Variants in DERL2 observed in about 807,000 individuals in gnomAD.
The protein encoded by DERL2 is derlin-2.
A neutral mutation model predicts 32.0 loss-of-function variants in DERL2; 13 were observed. The ratio of observed to expected loss-of-function variants is 0.41; its 90% CI spans 0.26 to 0.65. The LOEUF is 0.65. DERL2 is among the 30% of genes least tolerant of loss of function. The pLI, the probability that DERL2 is intolerant of heterozygous loss-of-function variation, is 0.35. For missense variants in DERL2, 208 were observed against 296.3 expected (o/e 0.70, Z 2.19); for synonymous variants, 111 against 104.7 (o/e 1.06, Z -0.37).
At chr17:5,479,523 A>AG (rs1290313490) in intron 6 of DERL2, among the ~76,000 whole-genome samples, 1 of 141,944 alleles carries the variant, frequency 7.0e-6, no homozygotes, top group Non-Finnish European at 1.5e-5. Flanking sequence ...AAAAAAAAAA[A>AG]AAAGAAAGAA....
At chr17:5,479,496 T>TAAAAAAAAAAAAAAA (rs11306765) in intron 6 of DERL2, among the ~76,000 whole-genome samples, 2 of 69,430 alleles carry the variant, frequency 2.9e-5, no homozygotes, top group Non-Finnish European at 6.2e-5. Flanking sequence ...AGACTCCATG[T>TAAAAAAAAAAAAAAA]AAAAAAAAAA....
At chr17:5,480,289 T>C (rs1192747114) in intron 5 of DERL2, 98 bp downstream of exon 5, 2 of 1,290,792 alleles carry the variant, frequency 1.5e-6, no homozygotes, top group East Asian at 2.4e-5. Context: ...TATTTTACAA[T>C]AGGTAATACG....
chr17:5,483,101 G>C (rs922862079), intron 2 of DERL2, among the ~76,000 whole-genome samples: 1 of 152,068 alleles, frequency 6.6e-6, no homozygotes, highest in Non-Finnish European at 1.5e-5. Context: ...TTGGGACTGT[G>C]ACATTTATAA....
At chr17:5,485,750 G>C (rs1217371443) in intron 1 of DERL2, 1 of 312,024 alleles carries the variant, frequency 3.2e-6, no homozygotes, top group Non-Finnish European at 5.8e-6. Flanking sequence ...CCTCTCACTA[G>C]TCACCATGGT....
At position 5,472,758 on chromosome 17, in the gene DERL2, C is replaced by T. The variant is rs1905176413; in HGVS notation, c.*1926G>A. The T allele has an allele frequency of 6.6e-6, 1 of 151,370 alleles. No homozygotes were observed. The highest frequency in any genetic ancestry group is 2.4e-5 in the African/African-American group (1 of 41,194). 9.4% of individuals were successfully genotyped at this position (151,370 alleles called of 1,614,324 possible). A position where few individuals can be genotyped will look rare whatever the true frequency, so the allele number is the denominator to read the frequency against. On this transcript the variant is annotated 3_prime_UTR_variant, in exon 7 of 7. Coordinates refer to ENST00000158771, the MANE Select transcript of DERL2 (RefSeq NM_016041.5). Reference sequence around the variant, plus strand: ...CAAATAAAACTAGAGAAACTCATTTCTAGCCCAAAAACAATTTAAAAAAAA... The same window carrying T: ...CAAATAAAACTAGAGAAACTCATTTTTAGCCCAAAAACAATTTAAAAAAAA...
Position 5,481,851 on chromosome 17 carries a change from T to C in DERL2, c.234-462A>G, listed in dbSNP as rs1905808215. Reference sequence around the variant, plus strand: ...TTTTAGTAGAGAGCAGGTTTCACCATGTTGGCCAGGCTGGTCTCAAACTCC... The same window carrying C: ...TTTTAGTAGAGAGCAGGTTTCACCACGTTGGCCAGGCTGGTCTCAAACTCC... On this transcript the variant is annotated intron_variant, in intron 3 of 6. Transcript: ENST00000158771. The surrounding 1 kb of genome is among the most constrained non-coding windows in gnomAD (Gnocchi z 4.4). Among the ~76,000 whole-genome samples, 1 of 152,166 alleles carries C rather than the reference T, an allele frequency of 6.6e-6. No individual in the cohort carries two copies. The highest frequency in any genetic ancestry group is 1.5e-5 in the Non-Finnish European group (1 of 68,032).
chr17:5,482,624 T>A (rs1905865093), intron 3 of DERL2, 185 bp downstream of exon 3: 3 of 480,322 alleles, frequency 6.2e-6, no homozygotes, highest in Non-Finnish European at 1.1e-5. Flanking sequence ...AAACCTCCCA[T>A]TTGAACAAAG....
chr17:5,480,867 T>C lies in DERL2; in HGVS notation c.328-285A>G, dbSNP rs75984990. On this transcript the variant is annotated intron_variant, in intron 4 of 6. Transcript: ENST00000158771. ...GTGTTAATTCTTCAGTCAATAATTA[T>C]ATTAAAGCTTGCTCACGATTAGCAC... 2,246 of 457,656 alleles carry C rather than the reference T, an allele frequency of 4.9e-3. 41 individuals are homozygous for C. Among genetic ancestry groups the C allele is most frequent in the East Asian group, 0.045 (1,314 of 29,064 alleles). The allele number at this position is 457,656 out of a possible 1,614,324, so 28.3% of individuals were successfully genotyped here.
rs1906252256 is a variant in DERL2, at chr17:5,486,077, C to T, written c.85G>A (p.Ala29Thr). ...GCACTGCAGCTGCTCACCACGGCGG[C>T]GGTGGTGAGGACGCAGGCAGTGGTG... ...AYTTACVLTT[A>T]AVQLELITPF... Residue 29 changes from alanine (A) to threonine (T), a missense_variant, in exon 1 of 7, where the codon GCC (alanine) becomes ACC (threonine). By Grantham distance (58) the Ala-to-Thr change is moderately conservative. This residue lies in a region of DERL2 where 44 missense variants were observed against 42.3 expected (regional missense o/e 1.04). Transcript: ENST00000158771. 6.2e-7 allele frequency: 1 copy of T among 1,610,560 alleles called. No individual in the cohort carries two copies. The highest frequency in any genetic ancestry group is 1.3e-5 in the African/African-American group (1 of 74,920).
chr17:5,477,386 G>C (rs1905462021), intron 6 of DERL2, among the ~76,000 whole-genome samples: 1 of 152,166 alleles, frequency 6.6e-6, no homozygotes, highest in Non-Finnish European at 1.5e-5. Flanking sequence ...GGACATCAGG[G>C]AACTTTCTGG....
chr17:5,479,883 C>G (rs979465541), intron 6 of DERL2, among the ~76,000 whole-genome samples, 171 bp downstream of exon 6: 17 of 152,210 alleles, frequency 1.1e-4, no homozygotes, highest in Admixed American at 2.0e-4. Flanking sequence ...CTGGCACTGT[C>G]TGCTCCTACC....
chr17:5,481,196 C>G lies in DERL2; in HGVS notation c.327+100G>C. On this transcript the variant is annotated intron_variant, in intron 4 of 6. Coordinates refer to ENST00000158771, the MANE Select transcript of DERL2 (RefSeq NM_016041.5). The surrounding 1 kb of genome is among the most constrained non-coding windows in gnomAD (Gnocchi z 4.4). ...GTGCTGTAAAATAAATGATAGTGCC[C>G]TGAAGCTAAGATCTAGAGAACTGTG... 1 of 889,438 alleles carries G rather than the reference C, an allele frequency of 1.1e-6. No homozygotes were observed. The highest frequency in any genetic ancestry group is 1.9e-6 in the Non-Finnish European group (1 of 539,050). The allele number at this position is 889,438 out of a possible 1,614,324, so 55.1% of individuals were successfully genotyped here.
chr17:5,472,448 A>G lies in DERL2; in HGVS notation c.*2236T>C, dbSNP rs1905164634. ...GGAATGGTGGTTGTAGGGCTGGCCA[A>G]ACTGATGAGAGGTGATTGAAATTAC... On this transcript the variant is annotated 3_prime_UTR_variant, in exon 7 of 7. Transcript: ENST00000158771. The G allele has an allele frequency of 6.6e-6, 1 of 152,238 alleles. No individual in the cohort carries two copies. The highest frequency in any genetic ancestry group is 1.5e-5 in the Non-Finnish European group (1 of 68,046). 9.4% of individuals were successfully genotyped at this position (152,238 alleles called of 1,614,324 possible). A position where few individuals can be genotyped will look rare whatever the true frequency, so the allele number is the denominator to read the frequency against.
At chr17:5,479,495 G>GT (rs1417052832) in intron 6 of DERL2, among the ~76,000 whole-genome samples, 2 of 52,662 alleles carry the variant, frequency 3.8e-5, no homozygotes, top group Non-Finnish European at 6.2e-5. Flanking sequence ...GAGACTCCAT[G>GT]TAAAAAAAAA....
chr17:5,483,382 T>C (rs1345181629), intron 2 of DERL2, among the ~76,000 whole-genome samples: 9 of 150,458 alleles, frequency 6.0e-5, no homozygotes, highest in African/African-American at 1.7e-4. Context: ...GTTCTCACTA[T>C]GTTGTCCAGG....
intron 1 of DERL2, 36 bp downstream of exon 1, chr17:5,486,033 C>G (rs1453643977): frequency 3.8e-6 from 6 of 1,590,464 alleles, no homozygotes; most frequent in Non-Finnish European, 5.2e-6. Flanking sequence ...TCATATCCAG[C>G]CCAGATAATG....
chr17:5,479,496 T>TAAAAAAAAAAAAAAAAAA (rs11306765), intron 6 of DERL2, among the ~76,000 whole-genome samples: 26 of 69,424 alleles, frequency 3.7e-4, no homozygotes, highest in Non-Finnish European at 5.6e-4. Flanking sequence ...AGACTCCATG[T>TAAAAAAAAAAAAAAAAAA]AAAAAAAAAA....
chr17:5,475,975 T>C (rs1041111431), intron 6 of DERL2, among the ~76,000 whole-genome samples: 5 of 152,182 alleles, frequency 3.3e-5, no homozygotes, highest in African/African-American at 1.2e-4. Flanking sequence ...GAGAGTTCTA[T>C]GGATGGTGGT....
chr17:5,486,430 G>C (rs1383390522), upstream of DERL2: 7 of 369,582 alleles, frequency 1.9e-5, no homozygotes, highest in Non-Finnish European at 3.4e-5. Flanking sequence ...AGTAAGTACA[G>C]GTTCCTTCTG....
Sources: gnomAD v4.1 joint callset for allele counts (sites outside exome capture counted in the v4.1 genomes callset) on GRCh38, gnomAD v4.1.1 for gene constraint, gnomAD v4.1.1 regional missense constraint, Gnocchi (gnomAD v3.1) non-coding constraint, MANE v1.5 for transcripts, NCBI Gene and HGNC (gene_info 2026-07-23, HGNC 2026-07-21) for gene names.